Variants in LOXHD1 observed in about 807,000 individuals in gnomAD.
LOXHD1 encodes the protein lipoxygenase homology domain-containing protein 1.
Under a neutral mutation model 248.2 loss-of-function variants are expected in LOXHD1, and 205 were observed. The observed-to-expected ratio is 0.83, with a 90% confidence interval of 0.74 to 0.93. LOXHD1 has a LOEUF of 0.93. Among genes scored for constraint, LOXHD1 ranks in the 40% least tolerant of loss-of-function variants. LOXHD1 has a pLI of 0.00. For missense variants in LOXHD1, 2,930 were observed against 2,971.6 expected (o/e 0.99, Z 0.33); for synonymous variants, 1,113 against 1,162.8 (o/e 0.96, Z 0.87).
rs1447831081 is a variant in LOXHD1, at chr18:46,594,453, C to T, written c.1148G>A (p.Cys383Tyr). ...GGTCTGCTGGATACCAGTGAAGGGG[C>T]ACAGAATCACCACCTGGGGAGAGTG... Reference protein sequence around the residue: ...GWFCEKVVILCPFTGIQQTFP... With the variant: ...GWFCEKVVILYPFTGIQQTFP... Residue 383 changes from cysteine to tyrosine, a missense_variant, in exon 9 of 41, where the codon TGC (cysteine) becomes TAC (tyrosine). Transcript: ENST00000642948. The T allele has an allele frequency of 1.4e-5, 21 of 1,551,394 alleles. 1 individual carries two copies. Among genetic ancestry groups the T allele is most frequent in the Non-Finnish European group, 1.7e-5 (20 of 1,146,984 alleles).
At chr18:46,534,629 G>GCCTC (rs2036225720) in intron 26 of LOXHD1, among the ~76,000 whole-genome samples, 178 bp from the exon 27 acceptor site, 1 of 152,120 alleles carries the variant, frequency 6.6e-6, no homozygotes, top group Non-Finnish European at 1.5e-5. Flanking sequence ...CCATGCTTAT[G>GCCTC]CCTCATGTCC....
chr18:46,622,143 A>C (rs1168495943), intron 4 of LOXHD1, among the ~76,000 whole-genome samples: 2 of 152,144 alleles, frequency 1.3e-5, no homozygotes, highest in Non-Finnish European at 2.9e-5. Context: ...GGCCTCCCAG[A>C]CCCTATGCCA....
intron 37 of LOXHD1, 38 bp downstream of exon 37, chr18:46,505,800 G>C (rs902869260): frequency 1.3e-6 from 2 of 1,548,420 alleles, no homozygotes; most frequent in Admixed American, 2.0e-5. Context: ...GGAGCTGAGG[G>C]CTGCCCTCCC....
At chr18:46,565,358 G>T (rs1328393813) in intron 17 of LOXHD1, among the ~76,000 whole-genome samples, 1 of 152,112 alleles carries the variant, frequency 6.6e-6, no homozygotes, top group East Asian at 1.9e-4. Context: ...ATCCAAAAAG[G>T]CCCTTCCCCC....
intron 34 of LOXHD1, among the ~76,000 whole-genome samples, chr18:46,511,467 T>C (rs1369831027): frequency 6.6e-6 from 1 of 152,186 alleles, no homozygotes; most frequent in Non-Finnish European, 1.5e-5. Flanking sequence ...GGGCCCCCTT[T>C]GGCTGCCCCT....
intron 7 of LOXHD1, among the ~76,000 whole-genome samples, chr18:46,602,990 T>C (rs1185876375): frequency 6.6e-6 from 1 of 152,134 alleles, no homozygotes; most frequent in Non-Finnish European, 1.5e-5. Flanking sequence ...AACTGCAAAC[T>C]TTTCATCTGT....
chr18:46,521,310 C>G, intron 32 of LOXHD1, 28 bp from the exon 33 acceptor site: 2 of 1,551,194 alleles, frequency 1.3e-6, no homozygotes, highest in Non-Finnish European at 1.7e-6. Context: ...TGATCTGTGA[C>G]GATCTGGGCA....
intron 14 of LOXHD1, among the ~76,000 whole-genome samples, chr18:46,573,443 A>G (rs910376811): frequency 4.6e-5 from 7 of 152,202 alleles, no homozygotes; most frequent in Non-Finnish European, 1.0e-4. Flanking sequence ...GATACCGTTC[A>G]TTGTTCCCCA....
intron 12 of LOXHD1, among the ~76,000 whole-genome samples, chr18:46,588,556 C>T (rs1275291236): frequency 1.3e-5 from 2 of 152,182 alleles, no homozygotes; most frequent in African/African-American, 4.8e-5. Flanking sequence ...ATGGTCTCTC[C>T]TTGTCTGTCA....
chr18:46,540,397 G>C (rs1480652428), intron 25 of LOXHD1, among the ~76,000 whole-genome samples: 1 of 152,132 alleles, frequency 6.6e-6, no homozygotes, highest in Admixed American at 6.5e-5. Flanking sequence ...GACCCTGCTG[G>C]GTGCTCAACC....
Position 46,601,205 on chromosome 18 carries a change from G to C in LOXHD1, c.1134+12C>G, listed in dbSNP as rs1555684960. ...TGAATCAGGGAAGGCTGTCTCTGGG[G>C]GCATCCCTTACCTTCTCACAGAACC... On this transcript the variant is annotated intron_variant, in intron 8 of 40. Coordinates refer to ENST00000642948, the MANE Select transcript of LOXHD1 (RefSeq NM_001384474.1). 4 of 1,547,938 alleles carry C rather than the reference G, an allele frequency of 2.6e-6. No individual in the cohort carries two copies. The highest frequency in any genetic ancestry group is 2.4e-5 in the East Asian group (1 of 40,834).
Position 46,538,214 on chromosome 18 carries a change from T to C in LOXHD1, c.4037A>G (p.Asn1346Ser). The C allele has an allele frequency of 6.5e-7, 1 of 1,545,496 alleles. No individual in the cohort carries two copies. Among genetic ancestry groups the C allele is most frequent in the Non-Finnish European group, 8.8e-7 (1 of 1,141,754 alleles). ...VCTQQKYLCTNKREQKQFFER... is the reference protein window; with the variant it reads ...VCTQQKYLCTSKREQKQFFER... ...AAAGAACTGCTTCTGTTCCCTCTTG[T>C]TGGTACACAGATACTTCTGCTGGGT... The change falls in exon 26 of 41, where the codon AAC becomes AGC. Residue 1346 changes from asparagine (N) to serine (S), a missense_variant. Coordinates refer to ENST00000642948, the MANE Select transcript of LOXHD1 (RefSeq NM_001384474.1).
chr18:46,632,472 G>A (rs1332368069), intron 4 of LOXHD1, among the ~76,000 whole-genome samples: 1 of 152,214 alleles, frequency 6.6e-6, no homozygotes, highest in Non-Finnish European at 1.5e-5. Context: ...GCAGGCAGGG[G>A]AGACAGTGCT....
chr18:46,626,614 G>C (rs961521145), intron 4 of LOXHD1, among the ~76,000 whole-genome samples: 2 of 152,182 alleles, frequency 1.3e-5, no homozygotes, highest in Admixed American at 1.3e-4. Context: ...AAACAACATG[G>C]TTATAAAATT....
At chr18:46,521,967 C>T (rs2035596718) in intron 32 of LOXHD1, 134 bp downstream of exon 32, 2 of 719,196 alleles carry the variant, frequency 2.8e-6, no homozygotes, top group East Asian at 5.5e-5. Flanking sequence ...GTTGGTTCTT[C>T]TCTGCTACCT....
At chr18:46,648,324 C>T (rs1422839393) in intron 2 of LOXHD1, among the ~76,000 whole-genome samples, 2 of 152,080 alleles carry the variant, frequency 1.3e-5, no homozygotes, top group African/African-American at 2.4e-5. Context: ...GGTTTAAGGA[C>T]GAGCTTCACC....
At position 46,579,791 on chromosome 18, in the gene LOXHD1, G is replaced by A. The variant is rs984219533; in HGVS notation, c.1655-7C>T. The A allele has an allele frequency of 6.5e-6, 10 of 1,550,334 alleles. No homozygotes were observed. In the Admixed American group the frequency reaches 7.8e-5, roughly 12 times the overall value. On this transcript the variant is annotated splice_region_variant and splice_polypyrimidine_tract_variant and intron_variant, in intron 12 of 40. Coordinates refer to ENST00000642948, the MANE Select transcript of LOXHD1 (RefSeq NM_001384474.1). ...GTCACATGGTACCGGGCCACTGGCA[G>A]GCAGAGAGAGGGACATCATTGCTGA...
chr18:46,512,188 A>G (rs2035002272), intron 34 of LOXHD1, among the ~76,000 whole-genome samples: 2 of 152,118 alleles, frequency 1.3e-5, no homozygotes, highest in South Asian at 4.1e-4. Context: ...CACTTCCCCA[A>G]TTACCCCTGC....
At chr18:46,643,088 GT>G (rs1352492843) in intron 2 of LOXHD1, among the ~76,000 whole-genome samples, 2 of 152,196 alleles carry the variant, frequency 1.3e-5, no homozygotes, top group Non-Finnish European at 2.9e-5. Flanking sequence ...GGCTTTTAAG[GT>G]TCTACAGAAC....
Sources: gnomAD v4.1 joint callset for allele counts (sites outside exome capture counted in the v4.1 genomes callset) on GRCh38, gnomAD v4.1.1 for gene constraint, MANE v1.5 for transcripts, NCBI Gene and HGNC (gene_info 2026-07-23, HGNC 2026-07-21) for gene names.